CERKL: variants seen among roughly 807,000 people sequenced by gnomAD.
CERKL encodes ceramide kinase-like protein.
CERKL carries 61 observed loss-of-function variants against 63.4 expected under a neutral mutation model. The observed-to-expected ratio is 0.96, with a 90% confidence interval of 0.78 to 1.19. The LOEUF (loss-of-function observed/expected upper bound fraction) is 1.19, where lower values mean the gene tolerates loss of function less well. CERKL is among the 50% of genes most tolerant of loss of function. CERKL has a pLI of 0.00. For synonymous variants in CERKL, 250 were observed against 230.5 expected, an observed-to-expected ratio of 1.08 and a Z score of -0.77; for missense variants, 675 against 655.5, an observed-to-expected ratio of 1.03 and a Z score of -0.33.
intron 1 of CERKL, among the ~76,000 whole-genome samples, chr2:181,619,771 T>C (rs191224335): frequency 5.6e-4 from 86 of 152,310 alleles, no homozygotes; most frequent in African/African-American, 2.1e-3. Flanking sequence ...CTCTGAGCTC[T>C]TAGGGCCCAC....
Position 181,657,081 on chromosome 2 carries a change from C to A in CERKL, c.-75G>T. The A allele has an allele frequency of 7.4e-7, 1 of 1,354,166 alleles. No homozygotes were observed. The highest frequency in any genetic ancestry group is 2.5e-5 in the East Asian group (1 of 40,020). The allele number at this position is 1,354,166 out of a possible 1,614,324, so 83.9% of individuals were successfully genotyped here. A position where few individuals can be genotyped will look rare whatever the true frequency, so the allele number is the denominator to read the frequency against. On this transcript the variant is annotated 5_prime_UTR_variant, in exon 1 of 13. Transcript: ENST00000410087. ...AGAAGGAGGTGGAGGGCGCGGCAGC[C>A]CCAGCTCTAGCCGCGTCCAGCGCTG...
chr2:181,620,694 C>A (rs982012151), intron 1 of CERKL, among the ~76,000 whole-genome samples: 6 of 152,132 alleles, frequency 3.9e-5, no homozygotes, highest in Admixed American at 6.5e-5. Flanking sequence ...CTCTAGGATA[C>A]CTGAACTCCT....
In CERKL at chr2:181,566,041, T is replaced by C; in HGVS notation, c.677+17A>G. On this transcript the variant is annotated intron_variant, in intron 4 of 12. Transcript: ENST00000410087. ...ACATAAATGATATAACATATATTGA[T>C]TAATAATATAACCTACCCATCAAAT... 6.6e-7 allele frequency: 1 copy of C among 1,521,372 alleles called. No individual in the cohort carries two copies. Among genetic ancestry groups the C allele is most frequent in the Non-Finnish European group, 9.1e-7 (1 of 1,096,506 alleles). 94.2% of individuals were successfully genotyped at this position (1,521,372 alleles called of 1,614,324 possible).
At chr2:181,630,253 C>A (rs1686898008) in intron 1 of CERKL, among the ~76,000 whole-genome samples, 1 of 152,000 alleles carries the variant, frequency 6.6e-6, no homozygotes, top group South Asian at 2.1e-4. Context: ...GCCATGTTTC[C>A]CAGGCTGATC....
At position 181,560,094 on chromosome 2, in the gene CERKL, T is replaced by C. The variant is rs370759623; in HGVS notation, c.678-1386A>G. ...ATTAAATCCTCAGAAGTCTGCAAAA[T>C]AGGCCACAGTCCCATCTTTATGAAT... On this transcript the variant is annotated intron_variant, in intron 4 of 12. Coordinates refer to ENST00000410087, the MANE Select transcript of CERKL (RefSeq NM_201548.5). 5.9e-5 allele frequency among the ~76,000 whole-genome samples: 9 copies of C among 152,296 alleles called. No homozygotes were observed. The East Asian group carries it at 1.4e-3, about 23-fold the overall frequency.
At chr2:181,598,892 G>A (rs1424696707) in intron 2 of CERKL, among the ~76,000 whole-genome samples, 1 of 150,810 alleles carries the variant, frequency 6.6e-6, no homozygotes, top group Non-Finnish European at 1.5e-5. Flanking sequence ...AAAAGTTTAA[G>A]TCCCGCCCAA....
At chr2:181,651,682 A>C (rs1687944849) in intron 1 of CERKL, among the ~76,000 whole-genome samples, 1 of 152,198 alleles carries the variant, frequency 6.6e-6, no homozygotes, top group South Asian at 2.1e-4. Flanking sequence ...AAACTGGGCA[A>C]GAGAAAGAAG....
At chr2:181,656,633 C>T in intron 1 of CERKL, 136 bp downstream of exon 1, 2 of 751,494 alleles carry the variant, frequency 2.7e-6, no homozygotes, top group Non-Finnish European at 2.1e-6. Flanking sequence ...GTAACCTGTC[C>T]GGGCAGTGAG....
At chr2:181,651,102 T>A (rs1447479887) in intron 1 of CERKL, among the ~76,000 whole-genome samples, 2 of 152,160 alleles carry the variant, frequency 1.3e-5, no homozygotes, top group Admixed American at 6.5e-5. Context: ...ACCAAACATT[T>A]AACAAACCAA....
At chr2:181,588,005 T>C (rs1684836786) in intron 2 of CERKL, among the ~76,000 whole-genome samples, 1 of 152,198 alleles carries the variant, frequency 6.6e-6, no homozygotes, top group Non-Finnish European at 1.5e-5. Context: ...AAAAATAAAC[T>C]GTATATTTAT....
intron 1 of CERKL, among the ~76,000 whole-genome samples, chr2:181,655,058 A>C (rs115040655): frequency 0.018 from 2,715 of 152,348 alleles, 53 homozygotes; most frequent in Admixed American, 0.054. Context: ...TTTGAATACC[A>C]GGTATTAATT....
Position 181,536,973 on chromosome 2 carries a change from T to G in CERKL, c.*1211A>C, listed in dbSNP as rs984794739. 4.4e-6 allele frequency: 2 copies of G among 452,442 alleles called. No individual in the cohort carries two copies. Among genetic ancestry groups the G allele is most frequent in the Non-Finnish European group, 8.8e-6 (2 of 226,216 alleles). The allele number at this position is 452,442 out of a possible 1,614,324, so 28.0% of individuals were successfully genotyped here. A position where few individuals can be genotyped will look rare whatever the true frequency, so the allele number is the denominator to read the frequency against. On this transcript the variant is annotated 3_prime_UTR_variant, in exon 13 of 13. Coordinates refer to ENST00000410087, the MANE Select transcript of CERKL (RefSeq NM_201548.5). ...CCTGCCACTAGCCAGCCATCCTAAT[T>G]GATGAAAGTTATCTGTTCACAGGCC...
At chr2:181,571,599 G>A (rs904766960) in intron 3 of CERKL, among the ~76,000 whole-genome samples, 1 of 152,026 alleles carries the variant, frequency 6.6e-6, no homozygotes, top group Non-Finnish European at 1.5e-5. Context: ...ACCAACTGTG[G>A]ATCAATACAC....
rs142521640 is a variant in CERKL at position 181,608,183 on chromosome 2, T to G, written c.239-4104A>C. Reference sequence around the variant, plus strand: ...TCACACCCAGCTCACTTTTTTTTTTTTAAGAGTTGCCTCTACACATGCTTT... The same window carrying G: ...TCACACCCAGCTCACTTTTTTTTTTGTAAGAGTTGCCTCTACACATGCTTT... On this transcript the variant is annotated intron_variant, in intron 1 of 12. Transcript: ENST00000410087. Among the ~76,000 whole-genome samples, 1,010 of 152,166 alleles carry G rather than the reference T, an allele frequency of 6.6e-3. 12 individuals are homozygous for G. Among genetic ancestry groups the G allele is most frequent in the African/African-American group, 0.023 (966 of 41,520 alleles).
chr2:181,597,850 G>A (rs1205328515), intron 2 of CERKL, among the ~76,000 whole-genome samples: 1 of 152,010 alleles, frequency 6.6e-6, no homozygotes, highest in East Asian at 1.9e-4. Context: ...CAAGTTCCCA[G>A]GGAGCTATGG....
intron 2 of CERKL, among the ~76,000 whole-genome samples, chr2:181,590,594 C>A (rs1054127466): frequency 1.6e-4 from 25 of 151,668 alleles, no homozygotes; most frequent in African/African-American, 4.6e-4. Flanking sequence ...GGAAAAAAAA[C>A]CAAAAGTATT....
Position 181,553,116 on chromosome 2 carries a change from T to C in CERKL, c.821-3408A>G, listed in dbSNP as rs180746119. ...AGGGAGGACCCAGGTATCTCTGTTT[T>C]AGCAAGTTCACAAGGTGAGTCTATG... On this transcript the variant is annotated intron_variant, in intron 5 of 12. Coordinates refer to ENST00000410087, the MANE Select transcript of CERKL (RefSeq NM_201548.5). 5.7e-3 allele frequency among the ~76,000 whole-genome samples: 874 copies of C among 152,282 alleles called. 2 individuals carry two copies. Among genetic ancestry groups the C allele is most frequent in the Admixed American group, 0.01 (155 of 15,286 alleles).
At chr2:181,540,501 G>A (rs911044021) in intron 11 of CERKL, among the ~76,000 whole-genome samples, 20 of 152,210 alleles carry the variant, frequency 1.3e-4, no homozygotes, top group East Asian at 5.8e-4. Flanking sequence ...TCATTAGGGC[G>A]GGACCTAATC....
In CERKL at chr2:181,565,506, G is replaced by A; in HGVS notation, c.677+552C>T. On this transcript the variant is annotated intron_variant, in intron 4 of 12. Transcript: ENST00000410087. ...TGTATTGCGAACAATGGTTTCCGAT[G>A]CCCACTGTGAATAACATACCTAAAT... 6.2e-7 allele frequency: 1 copy of A among 1,605,446 alleles called. No individual in the cohort carries two copies. The highest frequency in any genetic ancestry group is 8.5e-7 in the Non-Finnish European group (1 of 1,175,194).
Sources: gnomAD v4.1 joint callset for allele counts (sites outside exome capture counted in the v4.1 genomes callset) on GRCh38, gnomAD v4.1.1 for gene constraint, MANE v1.5 for transcripts, NCBI Gene and HGNC (gene_info 2026-07-23, HGNC 2026-07-21) for gene names.